The following ZNF90 variants were observed in gnomAD, a reference collection of about 807,000 sequenced individuals.
The protein encoded by ZNF90 is zinc finger protein 90.
In ZNF90, 11 loss-of-function variants were observed where a neutral mutation model predicts 12.0. The observed-to-expected ratio is 0.92, with a 90% CI of 0.58 to 1.52. ZNF90 has a LOEUF of 1.52. Ranked by LOEUF, ZNF90 falls within the 40% of genes most tolerant of loss-of-function variation. The pLI is 0.00. For missense variants in ZNF90, 765 were observed against 711.5 expected (o/e 1.08, Z -0.86); for synonymous variants, 232 against 240.1 (o/e 0.97, Z 0.31).
rs115485791 is a variant in ZNF90, at chr19:20,080,715, G to A, written c.3+2580G>A. Among the ~76,000 whole-genome samples the A allele has an allele frequency of 6.6e-3, 1,001 of 152,304 alleles. 9 individuals are homozygous for A. Among genetic ancestry groups the A allele is most frequent in the African/African-American group, 0.023 (951 of 41,566 alleles). Reference sequence around the variant, plus strand: ...GGTGTCCCCAATTTTCAAACAATAGGTGAGAAGCATAGATGGGCCATGGGG... The same window carrying A: ...GGTGTCCCCAATTTTCAAACAATAGATGAGAAGCATAGATGGGCCATGGGG... On this transcript the variant is annotated intron_variant, in intron 1 of 3. Transcript: ENST00000418063.
intron 1 of ZNF90, among the ~76,000 whole-genome samples, chr19:20,102,852 T>C (rs957371770): frequency 1.3e-5 from 2 of 152,314 alleles, no homozygotes; most frequent in Admixed American, 6.5e-5. Context: ...AAAAAAGTAT[T>C]AGGAGATAGC....
At chr19:20,117,046 T>TGTGTGA (rs1419252854) in intron 3 of ZNF90, among the ~76,000 whole-genome samples, 33 of 141,012 alleles carry the variant, frequency 2.3e-4, no homozygotes, top group East Asian at 1.3e-3. Context: ...TGTGTGTGTG[T>TGTGTGA]GAGAGAGAGA....
chr19:20,118,203 A>T lies in ZNF90; in HGVS notation c.649A>T (p.Thr217Ser). The T allele has an allele frequency of 1.2e-6, 2 of 1,611,026 alleles. No homozygotes were observed. The change falls in exon 4 of 4, where the codon ACT (threonine) becomes TCT (serine). Residue 217 changes from threonine to serine, a missense_variant. Thr to Ser is a moderately conservative substitution (Grantham distance 58, BLOSUM62 1). Coordinates refer to ENST00000418063, the MANE Select transcript of ZNF90 (RefSeq NM_007138.2). Reference sequence around the variant, plus strand: ...AGCCTTCAACAGGTCCTCACACCTTACTTCACATAAGAGAATTCATACTGG... The same window carrying T: ...AGCCTTCAACAGGTCCTCACACCTTTCTTCACATAAGAGAATTCATACTGG... Reference protein sequence around the residue: ...GKAFNRSSHLTSHKRIHTGEK... With the variant: ...GKAFNRSSHLSSHKRIHTGEK...
In ZNF90 at chr19:20,084,610, G is replaced by C. The variant is rs112627217; in HGVS notation, c.3+6475G>C. 4.2e-3 allele frequency among the ~76,000 whole-genome samples: 635 copies of C among 152,274 alleles called. 6 individuals are homozygous for C. The highest frequency in any genetic ancestry group is 0.015 in the African/African-American group (608 of 41,548). ...GAACTAATTTACACTCCCACCAGAAGAGTATAAGCATTCCCTTTTCTCTGC... is the reference window on the plus strand; with the variant it reads ...GAACTAATTTACACTCCCACCAGAACAGTATAAGCATTCCCTTTTCTCTGC... On this transcript the variant is annotated intron_variant, in intron 1 of 3. Transcript: ENST00000418063.
chr19:20,120,423 G>C lies in ZNF90; in HGVS notation c.*1063G>C, dbSNP rs1415321182. 1.1e-4 allele frequency among the ~76,000 whole-genome samples: 16 copies of C among 152,210 alleles called. 1 individual carries two copies. Among genetic ancestry groups the C allele is most frequent in the Admixed American group, 8.5e-4 (13 of 15,282 alleles). Reference sequence around the variant, plus strand: ...ATTTCATTGCACACATTTTGTACTAGAGGAAAACCCTGAAGCAGTTGCTCC... The same window carrying C: ...ATTTCATTGCACACATTTTGTACTACAGGAAAACCCTGAAGCAGTTGCTCC... On this transcript the variant is annotated 3_prime_UTR_variant, in exon 4 of 4. Coordinates refer to ENST00000418063, the MANE Select transcript of ZNF90 (RefSeq NM_007138.2).
At chr19:20,110,983 T>C (rs1216307986) in intron 3 of ZNF90, among the ~76,000 whole-genome samples, 1 of 152,216 alleles carries the variant, frequency 6.6e-6, no homozygotes, top group African/African-American at 2.4e-5. Flanking sequence ...TTGTTACTCT[T>C]GAATTGTTTT....
intron 3 of ZNF90, among the ~76,000 whole-genome samples, chr19:20,117,007 T>C (rs1299461278): frequency 7.7e-6 from 1 of 129,138 alleles, no homozygotes; most frequent in Non-Finnish European, 1.5e-5. Flanking sequence ...AATTGGCAAC[T>C]TACATTTGTG....
chr19:20,097,026 G>A (rs1395905416), intron 1 of ZNF90, among the ~76,000 whole-genome samples: 5 of 152,150 alleles, frequency 3.3e-5, no homozygotes, highest in East Asian at 1.9e-4. Flanking sequence ...CAATCTCCAG[G>A]TGAATTTAGG....
intron 3 of ZNF90, among the ~76,000 whole-genome samples, chr19:20,110,108 C>T (rs2089073953): frequency 6.6e-6 from 1 of 152,082 alleles, no homozygotes; most frequent in Non-Finnish European, 1.5e-5. Flanking sequence ...TAAAATGTGA[C>T]AAGATTGTTC....
intron 3 of ZNF90, among the ~76,000 whole-genome samples, chr19:20,110,354 C>G (rs1555704949): frequency 1.3e-5 from 2 of 152,064 alleles, no homozygotes; most frequent in African/African-American, 4.8e-5. Context: ...TCTTGGCTCA[C>G]TGCAACCCCT....
Position 20,078,145 on chromosome 19 carries a change from C to T in ZNF90, c.3+10C>T. On this transcript the variant is annotated intron_variant, in intron 1 of 3. Transcript: ENST00000418063. The stretch of plus-strand genomic sequence containing the variant: ...CGGAAGCCTAGAAATGGTGAGAGTG[C>T]CTTTCCAGCATTCCGAGAGAGGGGA... 1 of 1,614,084 alleles carries T rather than the reference C, an allele frequency of 6.2e-7. No homozygotes were observed. The highest frequency in any genetic ancestry group is 8.5e-7 in the Non-Finnish European group (1 of 1,179,986).
Position 20,119,582 on chromosome 19 carries a change from G to C in ZNF90, c.*222G>C, listed in dbSNP as rs782141095. 2.2e-6 allele frequency: 1 copy of C among 464,436 alleles called. No individual in the cohort carries two copies. The allele number at this position is 464,436 out of a possible 1,614,324, so 28.8% of individuals were successfully genotyped here. On this transcript the variant is annotated 3_prime_UTR_variant, in exon 4 of 4. Transcript: ENST00000418063. ...TTCATACTGGACGGAAACTCTACAG[G>C]TGTGAAAAATGCAGCAAAGCCTATA...
intron 3 of ZNF90, among the ~76,000 whole-genome samples, chr19:20,117,328 G>T (rs2122528996): frequency 6.6e-6 from 1 of 152,230 alleles, no homozygotes; most frequent in South Asian, 2.1e-4. Flanking sequence ...AAAGGCATGA[G>T]CCTGGGTGGA....
At chr19:20,101,021 C>G (rs113908368) in intron 1 of ZNF90, among the ~76,000 whole-genome samples, 4 of 152,060 alleles carry the variant, frequency 2.6e-5, no homozygotes, top group African/African-American at 4.8e-5. Context: ...TTAAATCTTG[C>G]AACTGCACAC....
Position 20,118,558 on chromosome 19 carries a change from A to G in ZNF90, c.1004A>G (p.His335Arg). 1.2e-6 allele frequency: 2 copies of G among 1,613,662 alleles called. No individual in the cohort carries two copies. The highest frequency in any genetic ancestry group is 1.3e-5 in the African/African-American group (1 of 75,006). ...ATCCTTAGTACACATAAGAGAATCC[A>G]TACTGGAGAGAAACCCTACAAATGT... ...SSILSTHKRI[H>R]TGEKPYKCEE... is the part of the protein sequence containing the mutation. Residue 335 changes from histidine (H) to arginine (R), a missense_variant, in exon 4 of 4, where the codon CAT (histidine) becomes CGT (arginine). Transcript: ENST00000418063.
At position 20,118,708 on chromosome 19, in the gene ZNF90, A is replaced by G. The variant is rs782087399; in HGVS notation, c.1154A>G (p.Tyr385Cys). The G allele has an allele frequency of 3.8e-6, 6 of 1,564,744 alleles. No homozygotes were observed. Among genetic ancestry groups the G allele is most frequent in the South Asian group, 1.2e-5 (1 of 84,808 alleles). ...GKAFISSSLL[Y>C]KHKISHSEKK... ...GCATTTATTTCATCCTCACTCCTTT[A>G]TAAACATAAGATAAGTCATAGTGAA... Residue 385 changes from tyrosine to cysteine, a missense_variant, in exon 4 of 4, where the codon TAT becomes TGT. Physicochemically the swap from Tyr to Cys is radical, Grantham distance 194. Transcript: ENST00000418063.
At chr19:20,082,330 T>C (rs1457694058) in intron 1 of ZNF90, among the ~76,000 whole-genome samples, 1 of 152,254 alleles carries the variant, frequency 6.6e-6, no homozygotes, top group Non-Finnish European at 1.5e-5. Context: ...TTTGGTTTTC[T>C]GTTTCTGCAT....
intron 3 of ZNF90, among the ~76,000 whole-genome samples, chr19:20,105,566 A>AGTC (rs1555704321): frequency 1.3e-5 from 2 of 152,310 alleles, no homozygotes; most frequent in African/African-American, 4.8e-5. Context: ...TGAGAGCCAG[A>AGTC]GTCCTCTTCA....
chr19:20,079,952 T>TTTA, intron 1 of ZNF90: 13 of 374,298 alleles, frequency 3.5e-5, no homozygotes, highest in South Asian at 8.6e-5. Context: ...TTTTTTTTTT[T>TTTA]GAGATGAAGT....
Sources: gnomAD v4.1 joint callset for allele counts (sites outside exome capture counted in the v4.1 genomes callset) on GRCh38, gnomAD v4.1.1 for gene constraint, MANE v1.5 for transcripts, NCBI Gene and HGNC (gene_info 2026-07-23, HGNC 2026-07-21) for gene names.